NOC3L: variants seen among roughly 807,000 people sequenced by gnomAD.
NOC3L encodes nucleolar complex protein 3 homolog.
Under a neutral mutation model 102.5 loss-of-function variants are expected in NOC3L, and 85 were observed. The ratio of observed to expected loss-of-function variants is 0.83; its 90% CI spans 0.70 to 0.99. NOC3L has a LOEUF of 0.99. NOC3L is among the 50% of genes least tolerant of loss of function. The pLI, the probability that NOC3L is intolerant of heterozygous loss-of-function variation, is 0.00. For synonymous variants in NOC3L, 303 were observed against 309.4 expected (o/e 0.98, Z 0.22); for missense variants, 878 against 914.9 (o/e 0.96, Z 0.52).
At chr10:94,345,647 A>G (rs1161966671) in intron 11 of NOC3L, among the ~76,000 whole-genome samples, 1 of 152,178 alleles carries the variant, frequency 6.6e-6, no homozygotes, top group Non-Finnish European at 1.5e-5. Flanking sequence ...GCATTAGGAT[A>G]GTATAATATA....
intron 19 of NOC3L, among the ~76,000 whole-genome samples, chr10:94,337,357 CAAAAAAA>C (rs71031571): frequency 0.26 from 34,723 of 131,556 alleles, 4,085 homozygotes; most frequent in Middle Eastern, 0.45. Context: ...CAGGGCCATT[CAAAAAAA>C]AAAAAAAGAC....
intron 1 of NOC3L, among the ~76,000 whole-genome samples, chr10:94,362,420 T>C (rs1390361960): frequency 6.6e-6 from 1 of 152,178 alleles, no homozygotes; most frequent in East Asian, 1.9e-4. Flanking sequence ...AAGTTAGTCC[T>C]GAACCCCAGG....
chr10:94,352,298 T>C lies in NOC3L; in HGVS notation c.952+12A>G, dbSNP rs199963123. On this transcript the variant is annotated intron_variant, in intron 8 of 20. Transcript: ENST00000371361. ...AAGTATGTTACAAACTTTGAAGATA[T>C]GTTTAATATACCTTTAACCATTTGT... is the stretch of plus-strand genomic sequence containing the variant. The C allele has an allele frequency of 5.2e-6, 8 of 1,534,630 alleles. No homozygotes were observed. The highest frequency in any genetic ancestry group is 4.1e-5 in the African/African-American group (3 of 73,316).
chr10:94,354,960 T>C lies in NOC3L; in HGVS notation c.696+3A>G, dbSNP rs1429060766. 6 of 1,612,394 alleles carry C rather than the reference T, an allele frequency of 3.7e-6. No homozygotes were observed. In the South Asian group the frequency reaches 6.6e-5, roughly 18 times the overall value. On this transcript the variant is annotated splice_donor_region_variant and intron_variant, in intron 6 of 20. Coordinates refer to ENST00000371361, the MANE Select transcript of NOC3L (RefSeq NM_022451.11). The stretch of plus-strand genomic sequence containing the variant: ...AGAGCCTAAAGAAATTAATACTACC[T>C]ACATTATTTTCTGGATCTGATAATA...
chr10:94,321,064 C>A, the NOC3L span, among the ~76,000 whole-genome samples: 2 of 152,130 alleles, frequency 1.3e-5, no homozygotes, highest in African/African-American at 4.8e-5. Flanking sequence ...TAATCTAATT[C>A]TCATAATTTT....
chr10:94,356,696 C>G, intron 4 of NOC3L, 105 bp from the exon 5 acceptor site: 1 of 716,186 alleles, frequency 1.4e-6, no homozygotes, highest in Non-Finnish European at 2.4e-6. Flanking sequence ...ATAGCAGTTA[C>G]TTTTATGGGA....
chr10:94,341,007 C>T (rs1397221868), intron 14 of NOC3L, among the ~76,000 whole-genome samples: 2 of 145,534 alleles, frequency 1.4e-5, no homozygotes, highest in East Asian at 4.0e-4. Context: ...AAAATTTCTA[C>T]AAAAAAATAG....
chr10:94,362,701 G>T (rs1589581040), intron 1 of NOC3L, 129 bp downstream of exon 1: 1 of 958,360 alleles, frequency 1.0e-6, no homozygotes, highest in East Asian at 2.4e-5. Flanking sequence ...GTAAGGAATG[G>T]AAAGCCCCCA....
chr10:94,321,232 A>G, the NOC3L span, among the ~76,000 whole-genome samples: 2 of 152,210 alleles, frequency 1.3e-5, no homozygotes, highest in Non-Finnish European at 2.9e-5. Context: ...GAAATGGGTG[A>G]GCTTTCTTTT....
At chr10:94,356,405 G>C in intron 5 of NOC3L, 130 bp downstream of exon 5, 1 of 647,476 alleles carries the variant, frequency 1.5e-6, no homozygotes, top group Middle Eastern at 4.1e-4. Context: ...GTGGAAAAAT[G>C]TTCAAAGTGA....
chr10:94,340,134 A>G, intron 16 of NOC3L, 142 bp downstream of exon 16: 1 of 786,972 alleles, frequency 1.3e-6, no homozygotes, highest in South Asian at 1.9e-5. Context: ...AGTCTTACAT[A>G]AGATTAAATA....
At chr10:94,356,488 CA>C in intron 5 of NOC3L, 46 bp downstream of exon 5, 2 of 1,191,864 alleles carry the variant, frequency 1.7e-6, no homozygotes, top group Non-Finnish European at 2.5e-6. Context: ...TACTATTATG[CA>C]AAAAAATTCT....
intron 20 of NOC3L, 89 bp downstream of exon 20, chr10:94,334,545 T>C (rs2054195159): frequency 3.2e-6 from 3 of 942,358 alleles, no homozygotes; most frequent in Middle Eastern, 3.0e-4. Flanking sequence ...AAAAACTACC[T>C]ATAAAATAAT....
chr10:94,354,591 T>C (rs901386767), intron 6 of NOC3L, among the ~76,000 whole-genome samples: 3 of 152,214 alleles, frequency 2.0e-5, no homozygotes, highest in Non-Finnish European at 4.4e-5. Context: ...TTCCATACAC[T>C]TCCCCTGTAG....
In NOC3L at chr10:94,345,036, CAT is replaced by C. The variant is rs151141395; in HGVS notation, c.1390-105_1390-104del. 962 of 702,752 alleles carry C rather than the reference CAT, an allele frequency of 1.4e-3. 9 individuals are homozygous for C. In the African/African-American group the frequency reaches 0.016, roughly 11 times the overall value. The allele number at this position is 702,752 out of a possible 1,614,324, so 43.5% of individuals were successfully genotyped here. On this transcript the variant is annotated intron_variant, in intron 11 of 20. Transcript: ENST00000371361. ...TCATAAAACACATACAGTAATACCA[CAT>C]GTTGTCTATGAATGCAAATATAAAC...
At chr10:94,326,607 T>C in the NOC3L span, among the ~76,000 whole-genome samples, 2 of 152,224 alleles carry the variant, frequency 1.3e-5, no homozygotes, top group African/African-American at 4.8e-5. Context: ...ACTTCTTAAG[T>C]ACAGAAGAAT....
rs755551175 is a variant in NOC3L, at chr10:94,344,876, T to A, written c.1447A>T (p.Ser483Cys). ...ACCAGTTTAAGTTTTTTCTCAGTACTCTCTGAAGCTTCTGCCTCTCGAAGC... is the reference window on the plus strand; with the variant it reads ...ACCAGTTTAAGTTTTTTCTCAGTACACTCTGAAGCTTCTGCCTCTCGAAGC... ...RELREAEASE[S>C]TEKKLKLHTE... The change falls in exon 12 of 21, where the codon AGT (serine) becomes TGT (cysteine). Residue 483 changes from serine to cysteine, a missense_variant. Physicochemically the swap from Ser to Cys is moderately radical, Grantham distance 112 (BLOSUM62 -1). Transcript: ENST00000371361. 2.5e-6 allele frequency: 4 copies of A among 1,609,072 alleles called. No individual in the cohort carries two copies. The East Asian group carries it at 8.9e-5, about 36-fold the overall frequency.
At chr10:94,338,500 G>C (rs1303725872) in intron 18 of NOC3L, 108 bp downstream of exon 18, 2 of 1,271,922 alleles carry the variant, frequency 1.6e-6, no homozygotes, top group East Asian at 5.0e-5. Context: ...GGCAGCCCCA[G>C]AACAAAATAT....
At chr10:94,357,834 A>G (rs537614612) in intron 3 of NOC3L, 1 of 452,438 alleles carries the variant, frequency 2.2e-6, no homozygotes, top group Non-Finnish European at 3.9e-6. Flanking sequence ...ACTACCTCAA[A>G]GTGAGAACAG....
Sources: allele counts gnomAD v4.1 joint callset (sites outside exome capture counted in the v4.1 genomes callset), GRCh38; gene constraint gnomAD v4.1.1; transcripts MANE v1.5; gene names NCBI Gene and HGNC (gene_info 2026-07-23, HGNC 2026-07-21).